The following DIAPH2 variants were observed in gnomAD, a reference collection of about 807,000 sequenced individuals.
DIAPH2 encodes protein diaphanous homolog 2.
In DIAPH2, 35 loss-of-function variants were observed where a neutral mutation model predicts 92.7. That is an observed-to-expected ratio of 0.38 (90% confidence interval 0.29 to 0.50). The LOEUF (loss-of-function observed/expected upper bound fraction) is 0.50, where lower values mean the gene tolerates loss of function less well. DIAPH2 is among the 20% of genes least tolerant of loss of function. The pLI is 0.94. For synonymous variants in DIAPH2, 301 were observed against 280.4 expected, an observed-to-expected ratio of 1.07 and a Z score of -0.73; for missense variants, 701 against 819.5, an observed-to-expected ratio of 0.86 and a Z score of 1.77.
chrX:97,094,067 A>G (rs1043989434), intron 19 of DIAPH2, among the ~76,000 whole-genome samples: 20 of 111,802 alleles, frequency 1.8e-4, no homozygotes, highest in African/African-American at 6.5e-4. Flanking sequence ...GAATGAAGCC[A>G]TTAGGAGACG....
intron 22 of DIAPH2, among the ~76,000 whole-genome samples, chrX:97,191,207 A>G (rs1458353133): frequency 1.8e-5 from 2 of 109,650 alleles, no homozygotes; most frequent in Non-Finnish European, 3.8e-5. Flanking sequence ...TCATGACTGT[A>G]ATCCCAGCTA....
chrX:97,397,870 G>A (rs1218011121), intron 25 of DIAPH2, among the ~76,000 whole-genome samples: 1 of 111,977 alleles, frequency 8.9e-6, no homozygotes, highest in African/African-American at 3.2e-5. Flanking sequence ...GTCCTCTTTT[G>A]TCAAAAACCC....
At chrX:97,521,968 A>G (rs1437922322) in intron 26 of DIAPH2, among the ~76,000 whole-genome samples, 1 of 112,209 alleles carries the variant, frequency 8.9e-6, no homozygotes, top group East Asian at 2.8e-4. Context: ...CAGACTTTAT[A>G]GAAGTTTGTG....
chrX:97,539,618 A>G (rs1367011688), intron 26 of DIAPH2, among the ~76,000 whole-genome samples: 1 of 112,130 alleles, frequency 8.9e-6, no homozygotes, highest in African/African-American at 3.2e-5. Flanking sequence ...ACAGATATGT[A>G]TAACTTCTTT....
In DIAPH2 at chrX:97,602,216, T is replaced by C. The variant is rs149318911; in HGVS notation, c.*2899T>C. 8.9e-6 allele frequency: 1 copy of C among 112,496 alleles called. No homozygotes were observed. Among genetic ancestry groups the C allele is most frequent in the African/African-American group, 3.2e-5 (1 of 30,936 alleles). The allele number at this position is 112,496 out of a possible 1,213,427, so 9.3% of individuals were successfully genotyped here. ...GCCCAAAATTTATGTCTGTCTCATG[T>C]GTAAAAGACATTCATCCCATCCTAA... On this transcript the variant is annotated 3_prime_UTR_variant, in exon 27 of 27. Coordinates refer to ENST00000324765, the MANE Select transcript of DIAPH2 (RefSeq NM_006729.5).
chrX:97,599,267 C>T lies in DIAPH2; in HGVS notation c.3256C>T (p.Pro1086Ser), dbSNP rs1267812045. 2 of 1,194,041 alleles carry T rather than the reference C, an allele frequency of 1.7e-6. No homozygotes were observed. Among genetic ancestry groups the T allele is most frequent in the Non-Finnish European group, 2.3e-6 (2 of 883,603 alleles). Residue 1086 changes from proline (P) to serine (S), a missense_variant, in exon 27 of 27, where the codon CCT becomes TCT. Coordinates refer to ENST00000324765, the MANE Select transcript of DIAPH2 (RefSeq NM_006729.5). ...IPRNPDNRRV[P>S]LERSRSRHNG... ...TTGTCTTACAGATAACAGACGAGTA[C>T]CTTTGGAAAGGTCACGCTCTCGCCA...
At chrX:97,494,875 G>A (rs1242110958) in intron 26 of DIAPH2, among the ~76,000 whole-genome samples, 1 of 112,636 alleles carries the variant, frequency 8.9e-6, no homozygotes, top group African/African-American at 3.2e-5. Context: ...AGTGGAAGAA[G>A]CATCAGGCTC....
intron 1 of DIAPH2, among the ~76,000 whole-genome samples, chrX:96,692,657 T>C (rs1032800647): frequency 2.7e-5 from 3 of 112,363 alleles, no homozygotes; most frequent in Non-Finnish European, 5.6e-5. Flanking sequence ...TAGTTTTGGC[T>C]TTACTCACTG....
chrX:97,457,469 T>C (rs1288350895), intron 26 of DIAPH2, among the ~76,000 whole-genome samples: 1 of 112,637 alleles, frequency 8.9e-6, no homozygotes, highest in Admixed American at 9.3e-5. Context: ...CTTTAAAACG[T>C]AGAAGCTTAA....
chrX:96,864,603 G>A (rs2147728166), intron 4 of DIAPH2, among the ~76,000 whole-genome samples: 1 of 112,015 alleles, frequency 8.9e-6, no homozygotes, highest in African/African-American at 3.2e-5. Flanking sequence ...TCTTGTGTGT[G>A]TGTGCTGGGT....
At chrX:97,527,224 G>T (rs1345511055) in intron 26 of DIAPH2, among the ~76,000 whole-genome samples, 1 of 111,610 alleles carries the variant, frequency 9.0e-6, no homozygotes, top group African/African-American at 3.3e-5. Context: ...TACTTAACTG[G>T]GTCGTACATG....
At chrX:97,301,763 T>A (rs2068707650) in intron 23 of DIAPH2, among the ~76,000 whole-genome samples, 1 of 111,660 alleles carries the variant, frequency 9.0e-6, no homozygotes, top group Admixed American at 9.5e-5. Context: ...ACAGCTGATT[T>A]ACATTCTTGC....
At chrX:97,007,924 G>T (rs1255146164) in intron 17 of DIAPH2, among the ~76,000 whole-genome samples, 12 of 104,039 alleles carry the variant, frequency 1.2e-4, no homozygotes, top group African/African-American at 4.2e-4. Context: ...CACCACGCCC[G>T]GCTAATTTTT....
At chrX:96,909,594 G>A (rs1050846014) in intron 5 of DIAPH2, among the ~76,000 whole-genome samples, 4 of 110,586 alleles carry the variant, frequency 3.6e-5, no homozygotes, top group Non-Finnish European at 7.6e-5. Flanking sequence ...CCTTAGCAAC[G>A]GGCTCATTTC....
At chrX:96,720,130 C>T (rs1487154356) in intron 1 of DIAPH2, among the ~76,000 whole-genome samples, 2 of 111,692 alleles carry the variant, frequency 1.8e-5, no homozygotes, top group Admixed American at 9.5e-5. Context: ...TTTGGCAATT[C>T]CTTTACTGAA....
intron 22 of DIAPH2, among the ~76,000 whole-genome samples, chrX:97,185,467 A>ATG (rs2067589663): frequency 3.4e-5 from 1 of 29,783 alleles, no homozygotes; most frequent in Non-Finnish European, 5.4e-5. Flanking sequence ...ATATATATAT[A>ATG]TATACACATA....
rs1197685580 is a variant in DIAPH2 at position 97,602,334 on chromosome X, G to T, written c.*3017G>T. 3 of 112,301 alleles carry T rather than the reference G, an allele frequency of 2.7e-5. No homozygotes were observed. The allele number at this position is 112,301 out of a possible 1,213,427, so 9.3% of individuals were successfully genotyped here. A position where few individuals can be genotyped will look rare whatever the true frequency, so the allele number is the denominator to read the frequency against. On this transcript the variant is annotated 3_prime_UTR_variant, in exon 27 of 27. Coordinates refer to ENST00000324765, the MANE Select transcript of DIAPH2 (RefSeq NM_006729.5). The stretch of plus-strand genomic sequence containing the variant: ...CAAAAGTTCCAAAGCTTATCATTTA[G>T]ATCATCTAAATCAGGTATGAGTGAA...
At chrX:97,029,231 T>G (rs111281503) in intron 17 of DIAPH2, among the ~76,000 whole-genome samples, 2,722 of 105,010 alleles carry the variant, frequency 0.026, 76 homozygotes, top group African/African-American at 0.09. Flanking sequence ...CACTGCAACC[T>G]CCACCTCCCA....
chrX:97,298,700 C>T (rs1443776393), intron 23 of DIAPH2, among the ~76,000 whole-genome samples: 10 of 106,690 alleles, frequency 9.4e-5, no homozygotes, highest in Non-Finnish European at 1.5e-4. Flanking sequence ...CTGCAAGCTC[C>T]GCCTCCCGGG....
Sources: gnomAD v4.1 joint callset for allele counts (sites outside exome capture counted in the v4.1 genomes callset) on GRCh38, gnomAD v4.1.1 for gene constraint, MANE v1.5 for transcripts, NCBI Gene and HGNC (gene_info 2026-07-23, HGNC 2026-07-21) for gene names.